FGD4: variants seen among roughly 807,000 people sequenced by gnomAD.
The protein encoded by FGD4 is FYVE, RhoGEF and PH domain containing 4.
In FGD4, 42 loss-of-function variants were observed where a neutral mutation model predicts 102.0. The observed-to-expected ratio is 0.41, with a 90% CI of 0.32 to 0.53. The LOEUF (loss-of-function observed/expected upper bound fraction) is 0.53, where lower values mean the gene tolerates loss of function less well. Ranked by LOEUF, FGD4 falls within the 20% of genes least tolerant of loss-of-function variation. The pLI is 0.21. For synonymous variants in FGD4, 380 were observed against 375.7 expected (o/e 1.01, Z -0.13); for missense variants, 902 against 1,078.2 (o/e 0.84, Z 2.29).
chr12:32,495,686 A>AGT (rs1565776576), intron 1 of FGD4, among the ~76,000 whole-genome samples: 1 of 132,422 alleles, frequency 7.6e-6, no homozygotes, highest in Non-Finnish European at 1.6e-5. Context: ...ACAGAGAGAG[A>AGT]CTCTGTTTCA....
intron 1 of FGD4, among the ~76,000 whole-genome samples, chr12:32,422,222 A>T (rs1249785883): frequency 6.7e-6 from 1 of 149,522 alleles, no homozygotes; most frequent in Non-Finnish European, 1.5e-5. Context: ...CCATCTCTTA[A>T]TCTATTTCAT....
intron 1 of FGD4, among the ~76,000 whole-genome samples, chr12:32,555,734 G>C (rs900903538): frequency 1.3e-5 from 2 of 151,944 alleles, no homozygotes; most frequent in Admixed American, 1.3e-4. Flanking sequence ...ACCACGCCCG[G>C]CTAATTTTTG....
chr12:32,469,567 C>A (rs1171018442), intron 1 of FGD4, among the ~76,000 whole-genome samples: 1 of 152,170 alleles, frequency 6.6e-6, no homozygotes, highest in Non-Finnish European at 1.5e-5. Context: ...AGGCGTGAGC[C>A]ACCACGTCCG....
chr12:32,587,758 G>T (rs1034398636), intron 4 of FGD4, among the ~76,000 whole-genome samples: 5 of 152,204 alleles, frequency 3.3e-5, no homozygotes, highest in African/African-American at 1.2e-4. Flanking sequence ...TGACAGGAAG[G>T]AAAGTAATGG....
chr12:32,558,322 C>T (rs1279917216), intron 1 of FGD4, among the ~76,000 whole-genome samples: 1 of 152,150 alleles, frequency 6.6e-6, no homozygotes, highest in African/African-American at 2.4e-5. Flanking sequence ...AGATCGTCTA[C>T]CCTAGAAAAC....
intron 1 of FGD4, among the ~76,000 whole-genome samples, chr12:32,404,424 A>G (rs1239630681): frequency 6.6e-6 from 1 of 152,044 alleles, no homozygotes; most frequent in African/African-American, 2.4e-5. Flanking sequence ...CTGGCACTGA[A>G]CCAGGACTAT....
In FGD4 at chr12:32,399,970, C is replaced by T. The variant is rs543694127; in HGVS notation, c.166+11C>T. The stretch of plus-strand genomic sequence containing the variant: ...CCTCAGGAGCCACAGGTAAGCGCCT[C>T]GGGGCGCGGGGGAAGGGTGGCCCCG... On this transcript the variant is annotated intron_variant, in intron 1 of 16. Transcript: ENST00000534526. The T allele has an allele frequency of 5.7e-5, 83 of 1,446,612 alleles. No homozygotes were observed. The African/African-American group carries it at 1.1e-3, about 19-fold the overall frequency. The allele number at this position is 1,446,612 out of a possible 1,614,324, so 89.6% of individuals were successfully genotyped here. A position where few individuals can be genotyped will look rare whatever the true frequency, so the allele number is the denominator to read the frequency against.
chr12:32,615,535 G>A (rs1305516301), intron 10 of FGD4, among the ~76,000 whole-genome samples: 2 of 152,004 alleles, frequency 1.3e-5, no homozygotes, highest in South Asian at 2.1e-4. Flanking sequence ...CTTCTTTCAC[G>A]GGTAATATAG....
At chr12:32,448,044 G>A (rs994698971) in intron 1 of FGD4, among the ~76,000 whole-genome samples, 7 of 152,162 alleles carry the variant, frequency 4.6e-5, no homozygotes, top group Non-Finnish European at 7.3e-5. Context: ...GGTACAAGAC[G>A]AACTGTTCAG....
chr12:32,593,780 G>C (rs889812937), intron 4 of FGD4, among the ~76,000 whole-genome samples: 1 of 152,162 alleles, frequency 6.6e-6, no homozygotes. Flanking sequence ...TAAAGATATT[G>C]TCAGAATTAG....
chr12:32,543,295 G>A (rs1268997883), intron 1 of FGD4, among the ~76,000 whole-genome samples: 1 of 152,118 alleles, frequency 6.6e-6, no homozygotes, highest in East Asian at 1.9e-4. Flanking sequence ...GGTTAGGGTA[G>A]GCCACCCTCC....
rs189954955 is a variant in FGD4, at chr12:32,616,315, A to C, written c.1750-3383A>C. On this transcript the variant is annotated intron_variant, in intron 10 of 16. Coordinates refer to ENST00000534526, the MANE Select transcript of FGD4 (RefSeq NM_001370298.3). ...CTCTTTGGAGTCCAGGTGGCAAAGAACCTTGGGGAAAGTGGCAGTCAGTGA... is the reference window on the plus strand; with the variant it reads ...CTCTTTGGAGTCCAGGTGGCAAAGACCCTTGGGGAAAGTGGCAGTCAGTGA... 5.3e-5 allele frequency among the ~76,000 whole-genome samples: 8 copies of C among 152,312 alleles called. No homozygotes were observed. The East Asian group carries it at 1.5e-3, about 29-fold the overall frequency.
chr12:32,557,211 T>C (rs1010414174), intron 1 of FGD4, among the ~76,000 whole-genome samples: 3 of 152,230 alleles, frequency 2.0e-5, no homozygotes, highest in Admixed American at 6.5e-5. Context: ...TCATAGATTT[T>C]TAAAAATATA....
chr12:32,492,944 G>T (rs992475729), intron 1 of FGD4, among the ~76,000 whole-genome samples: 2 of 152,194 alleles, frequency 1.3e-5, no homozygotes, highest in Non-Finnish European at 2.9e-5. Context: ...AGACAGTGAA[G>T]GTGGAACAGC....
chr12:32,598,472 G>A (rs1474361717), intron 4 of FGD4, 25 bp from the exon 5 acceptor site: 1 of 1,494,488 alleles, frequency 6.7e-7, no homozygotes, highest in South Asian at 1.2e-5. Flanking sequence ...CTTTCCTAAT[G>A]TGTGAATATC....
At chr12:32,406,170 G>A (rs948467590) in intron 1 of FGD4, among the ~76,000 whole-genome samples, 3 of 151,804 alleles carry the variant, frequency 2.0e-5, no homozygotes, top group African/African-American at 4.8e-5. Context: ...TCGAACTCCC[G>A]ACCTCAGGTG....
intron 1 of FGD4, among the ~76,000 whole-genome samples, chr12:32,480,994 G>A (rs1014974621): frequency 2.0e-5 from 3 of 151,490 alleles, no homozygotes; most frequent in African/African-American, 7.3e-5. Context: ...GTGTGTGTAT[G>A]CATGCTGAGA....
intron 10 of FGD4, 98 bp from the exon 11 acceptor site, chr12:32,619,600 C>T (rs1949674901): frequency 1.2e-5 from 17 of 1,372,788 alleles, no homozygotes; most frequent in Non-Finnish European, 1.8e-5. Flanking sequence ...CTATTACACT[C>T]CAGCCTGGGC....
intron 1 of FGD4, among the ~76,000 whole-genome samples, chr12:32,514,442 A>T (rs1939689232): frequency 6.6e-6 from 1 of 152,104 alleles, no homozygotes; most frequent in South Asian, 2.1e-4. Context: ...TTTATCTATC[A>T]TTAACGTATT....
Sources: gnomAD v4.1 joint callset for allele counts (sites outside exome capture counted in the v4.1 genomes callset) on GRCh38, gnomAD v4.1.1 for gene constraint, MANE v1.5 for transcripts, NCBI Gene and HGNC (gene_info 2026-07-23, HGNC 2026-07-21) for gene names.